PRH1: variants seen among roughly 807,000 people sequenced by gnomAD.
PRH1 encodes the protein salivary acidic proline-rich phosphoprotein 1/2.
In PRH1, 7 loss-of-function variants were observed where a neutral mutation model predicts 7.9. That is an observed-to-expected ratio of 0.89 (90% CI 0.50 to 1.67). The LOEUF is 1.67. Among genes scored for constraint, PRH1 ranks in the 40% most tolerant of loss-of-function variants. PRH1 has a pLI of 0.00. For synonymous variants in PRH1, 45 were observed against 80.8 expected (o/e 0.56, Z 2.38); for missense variants, 109 against 223.6 (o/e 0.49, Z 3.27).
upstream of PRH1, among the ~76,000 whole-genome samples, chr12:10,886,730 A>G (rs1231247322): frequency 6.6e-6 from 1 of 152,220 alleles, no homozygotes; most frequent in Admixed American, 6.5e-5. Flanking sequence ...CTCATAACAC[A>G]TCCCAACATT....
intron 2 of PRH1, among the ~76,000 whole-genome samples, chr12:10,892,218 A>G (rs748092414): frequency 6.6e-6 from 1 of 152,178 alleles, no homozygotes; most frequent in Non-Finnish European, 1.5e-5. Context: ...TAAGAGCTAG[A>G]CCATGCAGAA....
chr12:10,925,453 A>T (rs1041993284), intron 2 of PRH1, among the ~76,000 whole-genome samples: 7 of 152,200 alleles, frequency 4.6e-5, no homozygotes, highest in Non-Finnish European at 1.0e-4. Flanking sequence ...ATTTCAAAGG[A>T]CAGGCTCAAG....
chr12:11,102,325 G>T (rs1945280764), intron 1 of PRH1, among the ~76,000 whole-genome samples: 1 of 152,126 alleles, frequency 6.6e-6, no homozygotes, highest in Non-Finnish European at 1.5e-5. Flanking sequence ...AAACAGCATG[G>T]TGCTGGTACC....
At chr12:11,060,778 T>A (rs914902599) in intron 1 of PRH1, among the ~76,000 whole-genome samples, 17 of 62,652 alleles carry the variant, frequency 2.7e-4, no homozygotes, top group East Asian at 7.0e-4. Flanking sequence ...TTGTTTTCTA[T>A]CAATAATTCT....
intron 1 of PRH1, among the ~76,000 whole-genome samples, chr12:10,992,396 G>GTTT (rs1939976130): frequency 7.3e-6 from 1 of 136,118 alleles, no homozygotes; most frequent in African/African-American, 2.4e-5. Flanking sequence ...CTTTGTTTTC[G>GTTT]GTTGTTCGTT....
chr12:11,086,558 A>G (rs1458399684), intron 1 of PRH1, among the ~76,000 whole-genome samples: 1 of 115,790 alleles, frequency 8.6e-6, no homozygotes, highest in African/African-American at 2.9e-5. Flanking sequence ...CCTGCTTCAT[A>G]TAACTATGAT....
chr12:10,905,696 G>T (rs988621368), intron 2 of PRH1, among the ~76,000 whole-genome samples: 2 of 151,548 alleles, frequency 1.3e-5, no homozygotes, highest in African/African-American at 4.8e-5. Context: ...GACCAAAAAA[G>T]TGTGGTATAT....
At chr12:11,133,862 A>G (rs749584810) in intron 1 of PRH1, 2 of 1,614,166 alleles carry the variant, frequency 1.2e-6, no homozygotes, top group Admixed American at 1.7e-5. Context: ...CACCAGAACA[A>G]CACTCTTAAC....
In PRH1 at chr12:11,097,958, G is replaced by A. The variant is rs550569837; in HGVS notation, n.124-50770C>T. On this transcript the variant is annotated intron_variant and non_coding_transcript_variant, in intron 1 of 4. Transcript: ENST00000541977. Reference sequence around the variant, plus strand: ...AATGTAAAACCAACATATTTTCAACGATTTATTTGCTTTTTTTTCTTTTAC... The same window carrying A: ...AATGTAAAACCAACATATTTTCAACAATTTATTTGCTTTTTTTTCTTTTAC... Among the ~76,000 whole-genome samples, 130 of 60,542 alleles carry A rather than the reference G, an allele frequency of 2.1e-3. 36 individuals are homozygous for A. The highest frequency in any genetic ancestry group is 3.8e-3 in the African/African-American group (117 of 30,910). 39.7% of individuals were successfully genotyped at this position (60,542 alleles called of 152,430 possible).
chr12:10,882,107 T>C (rs1049578393), intron 3 of PRH1, 110 bp downstream of exon 3: 50 of 1,534,096 alleles, frequency 3.3e-5, no homozygotes, highest in Non-Finnish European at 4.0e-5. Flanking sequence ...TTTAGAAATG[T>C]GTTCCAGGAC....
chr12:10,917,927 G>C (rs1186561621), intron 2 of PRH1, among the ~76,000 whole-genome samples: 1 of 152,150 alleles, frequency 6.6e-6, no homozygotes, highest in African/African-American at 2.4e-5. Context: ...TCAAGATACA[G>C]CTGGAAAGCC....
At chr12:11,019,788 A>G (rs1273219539) in intron 1 of PRH1, among the ~76,000 whole-genome samples, 1 of 152,282 alleles carries the variant, frequency 6.6e-6, no homozygotes, top group Non-Finnish European at 1.5e-5. Flanking sequence ...AAGGCAGCAT[A>G]AGTCATACTG....
At chr12:11,117,567 T>A (rs965619660), downstream of PRH1, among the ~76,000 whole-genome samples, 1 of 152,090 alleles carries the variant, frequency 6.6e-6, no homozygotes, top group Non-Finnish European at 1.5e-5. Context: ...AAAACAATCC[T>A]AAAATTTATA....
intron 1 of PRH1, among the ~76,000 whole-genome samples, chr12:11,037,684 A>G (rs535324557): frequency 1.6e-4 from 25 of 152,266 alleles, no homozygotes; most frequent in Non-Finnish European, 3.5e-4. Flanking sequence ...TCAAATTCAT[A>G]TTAGCATTAA....
intron 1 of PRH1, among the ~76,000 whole-genome samples, chr12:11,165,373 C>A (rs1366647819): frequency 6.6e-6 from 1 of 152,102 alleles, no homozygotes; most frequent in East Asian, 1.9e-4. Context: ...TTCAATATTA[C>A]TGATTCTGCC....
intron 2 of PRH1, among the ~76,000 whole-genome samples, chr12:10,923,131 T>TC (rs1294841398): frequency 6.8e-6 from 1 of 147,734 alleles, no homozygotes; most frequent in East Asian, 2.0e-4. Context: ...CCCGGCCCTT[T>TC]TTTTTTTTTT....
At chr12:11,105,374 CAT>C (rs1945379496) in intron 1 of PRH1, among the ~76,000 whole-genome samples, 1 of 152,076 alleles carries the variant, frequency 6.6e-6, no homozygotes, top group African/African-American at 2.4e-5. Context: ...TTGACCTTAA[CAT>C]CTATGTGTAC....
intron 2 of PRH1, among the ~76,000 whole-genome samples, chr12:10,967,469 C>T (rs1394863500): frequency 2.0e-5 from 3 of 152,186 alleles, no homozygotes; most frequent in Admixed American, 6.5e-5. Context: ...CTAGGTCCAC[C>T]TCCATGCTGC....
intron 1 of PRH1, among the ~76,000 whole-genome samples, chr12:10,999,074 A>T (rs1940448781): frequency 6.6e-6 from 1 of 152,122 alleles, no homozygotes. Flanking sequence ...ATCTCAAATC[A>T]CCAGAGCCAT....
Sources: gnomAD v4.1 joint callset for allele counts (sites outside exome capture counted in the v4.1 genomes callset) on GRCh38, gnomAD v4.1.1 for gene constraint, MANE v1.5 for transcripts, NCBI Gene and HGNC (gene_info 2026-07-23, HGNC 2026-07-21) for gene names.